The following CAMTA1 variants were observed in gnomAD, a reference collection of about 807,000 sequenced individuals.
The protein encoded by CAMTA1 is calmodulin-binding transcription activator 1.
A neutral mutation model predicts 170.9 loss-of-function variants in CAMTA1; 27 were observed. That is an observed-to-expected ratio of 0.16 (90% CI 0.12 to 0.22). CAMTA1 has a LOEUF of 0.22. CAMTA1 is among the 10% of genes least tolerant of loss of function. The probability of loss-of-function intolerance (pLI) is 1.00; values close to 1 mark genes in which losing one functional copy is unlikely to be tolerated. For synonymous variants in CAMTA1, 833 were observed against 891.5 expected, an observed-to-expected ratio of 0.93 and a Z score of 1.17; for missense variants, 1,619 against 2,217.2, an observed-to-expected ratio of 0.73 and a Z score of 5.42.
At chr1:7,505,988 G>A (rs944198869) in intron 6 of CAMTA1, among the ~76,000 whole-genome samples, 1 of 152,188 alleles carries the variant, frequency 6.6e-6, no homozygotes, top group African/African-American at 2.4e-5. Flanking sequence ...GCAGCAGTGT[G>A]GAAAGCAGAA....
At position 6,943,955 on chromosome 1, in the gene CAMTA1, C is replaced by T. The variant is rs555693603; in HGVS notation, c.234+118745C>T. ...GTACATTCACATTGTGGTACCATCA[C>T]CATCTCCATCTCCAGAACTTTGCTA... On this transcript the variant is annotated intron_variant, in intron 3 of 22. Coordinates refer to ENST00000303635, the MANE Select transcript of CAMTA1 (RefSeq NM_015215.4). Among the ~76,000 whole-genome samples the T allele has an allele frequency of 2.7e-3, 411 of 152,052 alleles. 7 individuals carry two copies. The highest frequency in any genetic ancestry group is 6.8e-3 in the Middle Eastern group (2 of 292).
At chr1:7,101,483 C>A (rs1642700212) in intron 4 of CAMTA1, among the ~76,000 whole-genome samples, 1 of 152,190 alleles carries the variant, frequency 6.6e-6, no homozygotes, top group African/African-American at 2.4e-5. Context: ...GTATTACTGT[C>A]TTTGCTATTC....
At position 7,641,712 on chromosome 1, in the gene CAMTA1, T is replaced by A. The variant is rs563989907; in HGVS notation, c.664+1159T>A. ...AAGGGCAGGACCACAAGACTGAGCT[T>A]CCTCACGTGTCGTCCTTTGAGCCAA... On this transcript the variant is annotated intron_variant, in intron 7 of 22. Transcript: ENST00000303635. The surrounding 1 kb of genome is among the most constrained non-coding windows in gnomAD (Gnocchi z 4.5). Among the ~76,000 whole-genome samples the A allele has an allele frequency of 6.6e-6, 1 of 152,200 alleles. No homozygotes were observed. The highest frequency in any genetic ancestry group is 1.9e-4 in the East Asian group (1 of 5,158).
intron 6 of CAMTA1, among the ~76,000 whole-genome samples, chr1:7,559,460 T>C (rs1036506784): frequency 1.3e-5 from 2 of 152,128 alleles, no homozygotes; most frequent in Non-Finnish European, 2.9e-5. Flanking sequence ...GGTTTACCAA[T>C]AGGAGTGGAA....
rs143232663 is a variant in CAMTA1 at position 6,848,703 on chromosome 1, G to C, written c.234+23493G>C. Among the ~76,000 whole-genome samples the C allele has an allele frequency of 7.6e-3, 1,156 of 152,302 alleles. 62 individuals are homozygous for C. Among genetic ancestry groups the C allele is most frequent in the Non-Finnish European group, 1.7e-3 (115 of 68,026 alleles). Reference sequence around the variant, plus strand: ...CTTTTTCTCTACTCTGTTAGGTTCAGTACTTGAGGGCCTTTGAATTAAACT... The same window carrying C: ...CTTTTTCTCTACTCTGTTAGGTTCACTACTTGAGGGCCTTTGAATTAAACT... On this transcript the variant is annotated intron_variant, in intron 3 of 22. Transcript: ENST00000303635.
chr1:7,736,943 G>C lies in CAMTA1; in HGVS notation c.3276G>C (p.Ala1092=). Residue 1092 remains alanine, a synonymous_variant, in exon 14 of 23, where the codon GCG becomes GCC. Transcript: ENST00000303635. This position sits in a 1 kb window ranked among gnomAD's most constrained non-coding sequence, Gnocchi z 4.5. The part of the protein sequence containing the change: ...QTLIKWRTKH[A]DSIDLELEVD... ...CTCTCCCTTATAGTACAAAGCACGCGGATAGCATTGACCTGGAACTGGAAG... is the reference window on the plus strand; with the variant it reads ...CTCTCCCTTATAGTACAAAGCACGCCGATAGCATTGACCTGGAACTGGAAG... 3 of 1,613,020 alleles carry C rather than the reference G, an allele frequency of 1.9e-6. No homozygotes were observed. In the African/African-American group the frequency reaches 4.0e-5, roughly 22 times the overall value.
intron 3 of CAMTA1, among the ~76,000 whole-genome samples, chr1:6,847,329 G>A (rs1244608181): frequency 6.6e-6 from 1 of 152,112 alleles, no homozygotes; most frequent in Non-Finnish European, 1.5e-5. Flanking sequence ...AAGAGAATCA[G>A]CAAGAAAACT....
rs2094971215 is a variant in CAMTA1 at position 7,562,485 on chromosome 1, G to A, written c.511-77915G>A. ...GCATTCTTCCCCCAGGCTGGCAGACGGCTCTGCCCACTCCCGCCCGCCTGC... is the reference window on the plus strand; with the variant it reads ...GCATTCTTCCCCCAGGCTGGCAGACAGCTCTGCCCACTCCCGCCCGCCTGC... On this transcript the variant is annotated intron_variant, in intron 6 of 22. Transcript: ENST00000303635. The surrounding 1 kb of genome is among the most constrained non-coding windows in gnomAD (Gnocchi z 4.8). 6.6e-6 allele frequency among the ~76,000 whole-genome samples: 1 copy of A among 152,062 alleles called. No homozygotes were observed. The highest frequency in any genetic ancestry group is 1.5e-5 in the Non-Finnish European group (1 of 68,008).
At chr1:6,913,904 T>G (rs1398646208) in intron 3 of CAMTA1, among the ~76,000 whole-genome samples, 1 of 151,954 alleles carries the variant, frequency 6.6e-6, no homozygotes, top group Non-Finnish European at 1.5e-5. Context: ...TGAGTAGTAT[T>G]TTTGTCTGGA....
chr1:7,200,715 T>A (rs992691266), intron 4 of CAMTA1, among the ~76,000 whole-genome samples: 2 of 152,130 alleles, frequency 1.3e-5, no homozygotes, highest in African/African-American at 4.8e-5. Context: ...ATCAGGAGAT[T>A]TGCGCATTGC....
intron 6 of CAMTA1, among the ~76,000 whole-genome samples, chr1:7,519,132 T>G (rs1408962105): frequency 6.6e-6 from 1 of 152,100 alleles, no homozygotes. Flanking sequence ...GGTGCTCTAA[T>G]TAGAAGTCTT....
chr1:7,004,926 C>T (rs182553211), intron 3 of CAMTA1, among the ~76,000 whole-genome samples: 1 of 152,176 alleles, frequency 6.6e-6, no homozygotes, highest in African/African-American at 2.4e-5. Context: ...TGCCATCACA[C>T]CCGGCTAATT....
intron 5 of CAMTA1, among the ~76,000 whole-genome samples, chr1:7,339,669 C>T (rs1448038693): frequency 6.6e-6 from 1 of 152,152 alleles, no homozygotes; most frequent in Non-Finnish European, 1.5e-5. Context: ...GTGGCGCAAT[C>T]TCAGCTCACC....
Position 7,455,969 on chromosome 1 carries a change from A to T in CAMTA1, c.439-11861A>T, listed in dbSNP as rs2092942214. On this transcript the variant is annotated intron_variant, in intron 5 of 22. Coordinates refer to ENST00000303635, the MANE Select transcript of CAMTA1 (RefSeq NM_015215.4). This position sits in a 1 kb window ranked among gnomAD's most constrained non-coding sequence, Gnocchi z 5.0. ...AGGGTACAGCCTGAGCCTCCTTACCAAGGCTCAGGGTCCCACCGTTGGTCA... is the reference window on the plus strand; with the variant it reads ...AGGGTACAGCCTGAGCCTCCTTACCTAGGCTCAGGGTCCCACCGTTGGTCA... Among the ~76,000 whole-genome samples the T allele has an allele frequency of 6.6e-6, 1 of 152,152 alleles. No homozygotes were observed. Among genetic ancestry groups the T allele is most frequent in the African/African-American group, 2.4e-5 (1 of 41,426 alleles).
At chr1:7,327,025 C>T (rs575130534) in intron 5 of CAMTA1, among the ~76,000 whole-genome samples, 1 of 152,146 alleles carries the variant, frequency 6.6e-6, no homozygotes, top group African/African-American at 2.4e-5. Flanking sequence ...TTCAAAGAGC[C>T]CTGAGAACTG....
At chr1:7,741,614 G>A (rs2096817070) in intron 16 of CAMTA1, among the ~76,000 whole-genome samples, 1 of 152,038 alleles carries the variant, frequency 6.6e-6, no homozygotes, top group Non-Finnish European at 1.5e-5. Context: ...GCTACAGAAG[G>A]ACAGGTGCGG....
intron 19 of CAMTA1, 24 bp from the exon 20 acceptor site, chr1:7,751,175 C>G (rs746118265): frequency 6.5e-7 from 1 of 1,547,424 alleles, no homozygotes; most frequent in Non-Finnish European, 8.7e-7. Context: ...GTTACTGTGT[C>G]GCTTGTTCTT....
chr1:7,386,324 C>T (rs572945444), intron 5 of CAMTA1, among the ~76,000 whole-genome samples: 39 of 152,342 alleles, frequency 2.6e-4, no homozygotes, highest in African/African-American at 8.9e-4. Context: ...GAGCAGCCGC[C>T]GTCACCCAGC....
At chr1:7,480,445 C>T (rs754466379) in intron 6 of CAMTA1, among the ~76,000 whole-genome samples, 17 of 151,770 alleles carry the variant, frequency 1.1e-4, no homozygotes, top group Non-Finnish European at 2.2e-4. Flanking sequence ...GAGATATCCT[C>T]GCCCCTAGTT....
Sources: allele counts gnomAD v4.1 joint callset (sites outside exome capture counted in the v4.1 genomes callset), GRCh38; gene constraint gnomAD v4.1.1; non-coding constraint Gnocchi (gnomAD v3.1); transcripts MANE v1.5; gene names NCBI Gene and HGNC (gene_info 2026-07-23, HGNC 2026-07-21).